PDE10A: variants seen among roughly 807,000 people sequenced by gnomAD.
PDE10A encodes the protein cAMP and cAMP-inhibited cGMP 3',5'-cyclic phosphodiesterase 10A.
PDE10A carries 39 observed loss-of-function variants against 97.7 expected under a neutral mutation model. The ratio of observed to expected loss-of-function variants is 0.40; its 90% CI spans 0.31 to 0.52. The LOEUF (loss-of-function observed/expected upper bound fraction) is 0.52. Ranked by LOEUF, PDE10A falls within the 20% of genes least tolerant of loss-of-function variation. The probability of loss-of-function intolerance (pLI) is 0.56; values close to 1 mark genes in which losing one functional copy is unlikely to be tolerated. For missense variants in PDE10A, 731 were observed against 1,047.8 expected, an observed-to-expected ratio of 0.70 and a Z score of 4.17; for synonymous variants, 371 against 376.8, an observed-to-expected ratio of 0.98 and a Z score of 0.18.
At chr6:165,365,564 T>G (rs1216952046) in intron 18 of PDE10A, among the ~76,000 whole-genome samples, 1 of 152,004 alleles carries the variant, frequency 6.6e-6, no homozygotes, top group Non-Finnish European at 1.5e-5. Context: ...ACAAAAAATG[T>G]AGCCAGGCAT....
intron 1 of PDE10A, among the ~76,000 whole-genome samples, chr6:165,749,233 A>G (rs1395378471): frequency 7.4e-6 from 1 of 134,370 alleles, no homozygotes; most frequent in Non-Finnish European, 1.6e-5. Context: ...TATCACCATC[A>G]CCACCATCAC....
chr6:165,396,187 T>C (rs1351356662), intron 14 of PDE10A, 130 bp downstream of exon 14: 1 of 782,946 alleles, frequency 1.3e-6, no homozygotes, highest in Non-Finnish European at 2.0e-6. Flanking sequence ...AAGCAGACAA[T>C]GGCAACACAT....
At chr6:165,884,188 T>C (rs1432618001) in intron 1 of PDE10A, among the ~76,000 whole-genome samples, 2 of 152,192 alleles carry the variant, frequency 1.3e-5, no homozygotes, top group African/African-American at 4.8e-5. Context: ...ATAAAAATTG[T>C]GCTTTGGGGC....
chr6:165,522,803 A>C (rs144730460), intron 2 of PDE10A, among the ~76,000 whole-genome samples: 1 of 152,272 alleles, frequency 6.6e-6, no homozygotes, highest in African/African-American at 2.4e-5. Flanking sequence ...GAATTATAAA[A>C]GACACCAAAA....
chr6:165,482,167 T>C (rs1466956468), intron 3 of PDE10A, 148 bp downstream of exon 3: 2 of 691,628 alleles, frequency 2.9e-6, no homozygotes, highest in Non-Finnish European at 5.3e-6. Flanking sequence ...ACTGACTTTA[T>C]TCCATATTAA....
intron 3 of PDE10A, among the ~76,000 whole-genome samples, chr6:165,478,097 G>A (rs1470043400): frequency 6.6e-6 from 1 of 152,076 alleles, no homozygotes; most frequent in Non-Finnish European, 1.5e-5. Context: ...CTTTTAATTT[G>A]ACCATATATG....
At chr6:165,951,210 A>C (rs1783947402) in intron 1 of PDE10A, among the ~76,000 whole-genome samples, 1 of 152,182 alleles carries the variant, frequency 6.6e-6, no homozygotes, top group Non-Finnish European at 1.5e-5. Flanking sequence ...GTAAAGTAAC[A>C]CATTAGATCA....
intron 20 of PDE10A, among the ~76,000 whole-genome samples, chr6:165,337,359 A>G (rs959091424): frequency 6.6e-6 from 1 of 152,216 alleles, no homozygotes; most frequent in African/African-American, 2.4e-5. Context: ...ATTTCTCGAA[A>G]GTACTGAACT....
At chr6:165,386,855 CA>C (rs34632085) in intron 17 of PDE10A, among the ~76,000 whole-genome samples, 69,645 of 143,458 alleles carry the variant, frequency 0.49, 16,930 homozygotes, top group Middle Eastern at 0.53. Flanking sequence ...AAAAAAAATA[CA>C]AAAAAAAAAA....
At chr6:165,689,051 G>A (rs1251004605) in intron 1 of PDE10A, among the ~76,000 whole-genome samples, 1 of 152,220 alleles carries the variant, frequency 6.6e-6, no homozygotes, top group Non-Finnish European at 1.5e-5. Flanking sequence ...CACGGCTTAT[G>A]CAGGATATAA....
At chr6:165,606,409 T>A (rs902955830) in intron 1 of PDE10A, among the ~76,000 whole-genome samples, 1 of 152,146 alleles carries the variant, frequency 6.6e-6, no homozygotes, top group African/African-American at 2.4e-5. Context: ...TTCCTCTACC[T>A]TGTTCTCACT....
intron 1 of PDE10A, among the ~76,000 whole-genome samples, chr6:165,688,103 G>A (rs1427219404): frequency 6.6e-6 from 1 of 152,228 alleles, no homozygotes; most frequent in African/African-American, 2.4e-5. Context: ...CAGGTGCCAC[G>A]TAGAGATACA....
Position 165,736,174 on chromosome 6 carries a change from CG to C in PDE10A, c.-614-192607del, listed in dbSNP as rs577762711. Among the ~76,000 whole-genome samples, 870 of 152,180 alleles carry C rather than the reference CG, an allele frequency of 5.7e-3. 1 individual carries two copies. The highest frequency in any genetic ancestry group is 8.6e-3 in the Non-Finnish European group (586 of 67,996). On this transcript the variant is annotated intron_variant, in intron 1 of 19. Transcript: ENST00000366882. ...AGAAAGAAGTAGGTGGCAAAAGTAACGGCTGCAAACATATGAGTAAATCTAA... is the reference window on the plus strand; with the variant it reads ...AGAAAGAAGTAGGTGGCAAAAGTAACGCTGCAAACATATGAGTAAATCTAA...
intron 1 of PDE10A, among the ~76,000 whole-genome samples, chr6:165,786,920 C>T (rs957171770): frequency 5.3e-5 from 8 of 152,056 alleles, no homozygotes; most frequent in African/African-American, 1.7e-4. Flanking sequence ...ACAATAATGG[C>T]AACTATATTA....
intron 9 of PDE10A, among the ~76,000 whole-genome samples, chr6:165,429,764 T>C: frequency 6.6e-6 from 1 of 152,108 alleles, no homozygotes; most frequent in Non-Finnish European, 1.5e-5. Context: ...ATTTAATAAA[T>C]ATCTATTATA....
intron 14 of PDE10A, among the ~76,000 whole-genome samples, chr6:165,396,018 G>A (rs1415471124): frequency 6.6e-6 from 1 of 152,130 alleles, no homozygotes; most frequent in Non-Finnish European, 1.5e-5. Flanking sequence ...GCCATTTTGA[G>A]TGTTAAATAT....
chr6:165,352,122 G>T (rs1782733653), intron 18 of PDE10A, among the ~76,000 whole-genome samples: 1 of 152,116 alleles, frequency 6.6e-6, no homozygotes, highest in Non-Finnish European at 1.5e-5. Flanking sequence ...CCAAAGTGCT[G>T]GGATTACAGG....
intron 1 of PDE10A, among the ~76,000 whole-genome samples, chr6:165,756,187 A>T (rs1477598680): frequency 6.6e-6 from 1 of 152,228 alleles, no homozygotes; most frequent in Non-Finnish European, 1.5e-5. Flanking sequence ...TATTAGACAA[A>T]TTATTTTTAA....
At chr6:165,970,182 A>G (rs1318373276) in intron 1 of PDE10A, among the ~76,000 whole-genome samples, 1 of 152,250 alleles carries the variant, frequency 6.6e-6, no homozygotes, top group Non-Finnish European at 1.5e-5. Flanking sequence ...ACCACAAGTC[A>G]TGGAAGCCCA....
Sources: gnomAD v4.1 joint callset for allele counts (sites outside exome capture counted in the v4.1 genomes callset) on GRCh38, gnomAD v4.1.1 for gene constraint, MANE v1.5 for transcripts, NCBI Gene and HGNC (gene_info 2026-07-23, HGNC 2026-07-21) for gene names.